Variants in CCDC13 observed in about 807,000 individuals in gnomAD.
CCDC13 encodes coiled-coil domain containing 13, also known as coiled-coil domain-containing protein 13.
CCDC13 carries 70 observed loss-of-function variants against 87.3 expected under a neutral mutation model. The observed-to-expected ratio is 0.80, with a 90% CI of 0.66 to 0.98. The LOEUF (loss-of-function observed/expected upper bound fraction) is 0.98, where lower values mean the gene tolerates loss of function less well. Ranked by LOEUF, CCDC13 falls within the 50% of genes least tolerant of loss-of-function variation. The pLI is 0.00. For synonymous variants in CCDC13, 317 were observed against 360.3 expected (o/e 0.88, Z 1.36); for missense variants, 842 against 892.0 (o/e 0.94, Z 0.71).
At chr3:42,709,427 AC>A (rs1297915322) in intron 15 of CCDC13, among the ~76,000 whole-genome samples, 2 of 152,202 alleles carry the variant, frequency 1.3e-5, no homozygotes, top group Non-Finnish European at 2.9e-5. Context: ...AAAAGGTTTA[AC>A]GTAGTGAGAA....
intron 13 of CCDC13, among the ~76,000 whole-genome samples, chr3:42,722,087 A>G (rs1214127762): frequency 1.3e-5 from 2 of 152,228 alleles, no homozygotes; most frequent in Non-Finnish European, 2.9e-5. Context: ...TACTCTTTGT[A>G]TAGGAATGCA....
rs773169635 is a variant in CCDC13, at chr3:42,713,149, C to T, written c.1873+13G>A. On this transcript the variant is annotated intron_variant, in intron 14 of 15. Coordinates refer to ENST00000310232, the MANE Select transcript of CCDC13 (RefSeq NM_144719.4). ...TCCACCCCCTGCACTGAGACTACTG[C>T]CCTGGCCCCTACCTGTTTTGGTCCT... 9 of 1,612,558 alleles carry T rather than the reference C, an allele frequency of 5.6e-6. No individual in the cohort carries two copies. Among genetic ancestry groups the T allele is most frequent in the Non-Finnish European group, 6.8e-6 (8 of 1,179,236 alleles).
At chr3:42,730,767 G>T (rs959285640) in intron 12 of CCDC13, among the ~76,000 whole-genome samples, 178 bp from the exon 13 acceptor site, 6 of 152,148 alleles carry the variant, frequency 3.9e-5, no homozygotes, top group Admixed American at 6.5e-5. Flanking sequence ...ACCATTCCTG[G>T]TCCTGCTGAA....
chr3:42,714,635 A>G (rs1343493030), intron 13 of CCDC13, among the ~76,000 whole-genome samples: 2 of 152,226 alleles, frequency 1.3e-5, no homozygotes, highest in South Asian at 4.1e-4. Context: ...AACCCAAGCC[A>G]AGAGTTACAT....
At chr3:42,727,772 A>G (rs374065572) in intron 13 of CCDC13, among the ~76,000 whole-genome samples, 1 of 152,228 alleles carries the variant, frequency 6.6e-6, no homozygotes, top group African/African-American at 2.4e-5. Context: ...TTTGATGTTA[A>G]AAGTTAAGGG....
intron 14 of CCDC13, among the ~76,000 whole-genome samples, chr3:42,711,921 C>T (rs1445370375): frequency 6.6e-6 from 1 of 152,160 alleles, no homozygotes; most frequent in African/African-American, 2.4e-5. Context: ...GGTTGGAAGT[C>T]CTGCTGCCCT....
At chr3:42,728,289 T>C (rs954177148) in intron 13 of CCDC13, among the ~76,000 whole-genome samples, 4 of 151,876 alleles carry the variant, frequency 2.6e-5, no homozygotes, top group African/African-American at 7.3e-5. Flanking sequence ...GATGCTGGGA[T>C]GAGCACACAG....
At chr3:42,737,737 C>T (rs1002906505) in intron 9 of CCDC13, among the ~76,000 whole-genome samples, 2 of 152,232 alleles carry the variant, frequency 1.3e-5, no homozygotes, top group African/African-American at 2.4e-5. Context: ...TGTTCATATC[C>T]TTCGCCCACT....
Position 42,739,488 on chromosome 3 carries a change from T to C in CCDC13, c.1164+146A>G. The C allele has an allele frequency of 4.7e-6, 4 of 844,278 alleles. No individual in the cohort carries two copies. The South Asian group carries it at 7.2e-5, about 15-fold the overall frequency. 52.3% of individuals were successfully genotyped at this position (844,278 alleles called of 1,614,324 possible). A position where few individuals can be genotyped will look rare whatever the true frequency, so the allele number is the denominator to read the frequency against. On this transcript the variant is annotated intron_variant, in intron 9 of 15. Transcript: ENST00000310232. ...TCCTGTCCCTGGGGCAGGGCTTTGG[T>C]ACTGGGGGCCATCTGGAGGCAACGG...
intron 5 of CCDC13, chr3:42,749,900 T>A (rs563615509): frequency 4.4e-6 from 2 of 456,600 alleles, no homozygotes; most frequent in Non-Finnish European, 8.8e-6. Context: ...AGGGTTGGAA[T>A]GTGGATTGAG....
chr3:42,739,394 C>T (rs1699138557), intron 9 of CCDC13, among the ~76,000 whole-genome samples: 1 of 152,234 alleles, frequency 6.6e-6, no homozygotes, highest in Admixed American at 6.5e-5. Flanking sequence ...TCCATAGGCC[C>T]AGTGCCTTGT....
At chr3:42,749,796 A>G in intron 5 of CCDC13, 1 of 451,002 alleles carries the variant, frequency 2.2e-6, no homozygotes, top group South Asian at 1.6e-5. Context: ...CATGGGGAGC[A>G]GATGATGCCA....
At chr3:42,772,230 A>G (rs1700134146) in intron 1 of CCDC13, among the ~76,000 whole-genome samples, 1 of 145,886 alleles carries the variant, frequency 6.9e-6, no homozygotes, top group Admixed American at 7.2e-5. Context: ...AGATCGCGCT[A>G]CTGCACTCCA....
At position 42,732,996 on chromosome 3, in the gene CCDC13, C is replaced by T. The variant is rs1027377909; in HGVS notation, c.1512-26G>A. ...CTGTGTAAAGGCGGAAGGGGCCCATCAGCCTGGGAAGGCAGACCAGGCCCT... is the reference window on the plus strand; with the variant it reads ...CTGTGTAAAGGCGGAAGGGGCCCATTAGCCTGGGAAGGCAGACCAGGCCCT... On this transcript the variant is annotated intron_variant, in intron 11 of 15. Coordinates refer to ENST00000310232, the MANE Select transcript of CCDC13 (RefSeq NM_144719.4). 92 of 1,546,540 alleles carry T rather than the reference C, an allele frequency of 5.9e-5. No individual in the cohort carries two copies. In the African/African-American group the frequency reaches 8.9e-4, roughly 15 times the overall value.
chr3:42,771,099 C>T (rs1041982335), intron 1 of CCDC13: 1 of 152,152 alleles, frequency 6.6e-6, no homozygotes, highest in Non-Finnish European at 1.5e-5. Flanking sequence ...ACCTGGTACA[C>T]TCATACCGGT....
At chr3:42,720,858 T>G (rs952668034) in intron 13 of CCDC13, among the ~76,000 whole-genome samples, 1 of 152,160 alleles carries the variant, frequency 6.6e-6, no homozygotes, top group African/African-American at 2.4e-5. Context: ...CTGCCTATGA[T>G]CTCTTTAACA....
intron 13 of CCDC13, among the ~76,000 whole-genome samples, chr3:42,725,425 T>G (rs1410998724): frequency 6.6e-6 from 1 of 151,122 alleles, no homozygotes; most frequent in Non-Finnish European, 1.5e-5. Context: ...TCCCAGCTAC[T>G]CCAGAGGCTG....
At chr3:42,756,543 G>A (rs1193590664) in intron 3 of CCDC13, among the ~76,000 whole-genome samples, 1 of 151,488 alleles carries the variant, frequency 6.6e-6, no homozygotes, top group Non-Finnish European at 1.5e-5. Context: ...CCTTTCTGGA[G>A]CAGCAACAGC....
intron 4 of CCDC13, 52 bp from the exon 5 acceptor site, chr3:42,752,077 A>G (rs1699598274): frequency 6.6e-7 from 1 of 1,510,654 alleles, no homozygotes; most frequent in Non-Finnish European, 9.1e-7. Flanking sequence ...TGTGCAGCCC[A>G]AGGAAAGCAC....
Sources: gnomAD v4.1 joint callset for allele counts (sites outside exome capture counted in the v4.1 genomes callset) on GRCh38, gnomAD v4.1.1 for gene constraint, MANE v1.5 for transcripts, NCBI Gene and HGNC (gene_info 2026-07-23, HGNC 2026-07-21) for gene names.